Variants in PDSS2 observed in about 807,000 individuals in gnomAD.
PDSS2 encodes decaprenyl diphosphate synthase subunit 2, also known as all trans-polyprenyl-diphosphate synthase PDSS2.
Under a neutral mutation model 44.5 loss-of-function variants are expected in PDSS2, and 31 were observed. That is an observed-to-expected ratio of 0.70 (90% confidence interval 0.52 to 0.94). The LOEUF is 0.94. Ranked by LOEUF, PDSS2 falls within the 40% of genes least tolerant of loss-of-function variation. PDSS2 has a pLI of 0.00. For synonymous variants in PDSS2, 157 were observed against 180.3 expected, an observed-to-expected ratio of 0.87 and a Z score of 1.03; for missense variants, 452 against 482.2, an observed-to-expected ratio of 0.94 and a Z score of 0.59.
chr6:107,364,518 G>GGGCT (rs1226970205), intron 1 of PDSS2, among the ~76,000 whole-genome samples: 1 of 152,376 alleles, frequency 6.6e-6, no homozygotes, highest in Non-Finnish European at 1.5e-5. Context: ...GGGGCCAGCA[G>GGGCT]GGCTGGCTGG....
chr6:107,221,053 C>A (rs1253239352), intron 4 of PDSS2, among the ~76,000 whole-genome samples: 1 of 152,090 alleles, frequency 6.6e-6, no homozygotes, highest in Admixed American at 6.6e-5. Context: ...TTAGATATAC[C>A]TATATCAGGA....
intron 4 of PDSS2, among the ~76,000 whole-genome samples, chr6:107,216,401 A>T (rs982007983): frequency 1.3e-5 from 2 of 152,098 alleles, no homozygotes; most frequent in African/African-American, 4.8e-5. Flanking sequence ...CGAACCAGGG[A>T]GGCAGAGGTT....
At chr6:107,411,624 C>T (rs1243148905) in intron 1 of PDSS2, among the ~76,000 whole-genome samples, 4 of 152,108 alleles carry the variant, frequency 2.6e-5, no homozygotes, top group Non-Finnish European at 4.4e-5. Context: ...TGGGTATATA[C>T]AGACTTTTTT....
chr6:107,245,691 G>C, intron 3 of PDSS2, 72 bp from the exon 4 acceptor site: 1 of 1,011,172 alleles, frequency 9.9e-7, no homozygotes. Context: ...GAATGTTTCA[G>C]AAGGCTCAGT....
intron 7 of PDSS2, among the ~76,000 whole-genome samples, chr6:107,180,358 A>G (rs1357322410): frequency 2.6e-5 from 4 of 152,156 alleles, no homozygotes; most frequent in South Asian, 2.1e-4. Context: ...GATTACCCCA[A>G]TTGAATCTCT....
chr6:107,162,706 G>C (rs2114300473), intron 7 of PDSS2, among the ~76,000 whole-genome samples: 1 of 143,676 alleles, frequency 7.0e-6, no homozygotes, highest in Admixed American at 7.2e-5. Context: ...CTGGGTTCAA[G>C]CAATTCTCCT....
chr6:107,435,684 A>T (rs1781328116), intron 1 of PDSS2, among the ~76,000 whole-genome samples: 1 of 152,178 alleles, frequency 6.6e-6, no homozygotes, highest in Non-Finnish European at 1.5e-5. Context: ...CCTGTCATAA[A>T]GCCCCTGTAA....
intron 6 of PDSS2, among the ~76,000 whole-genome samples, chr6:107,205,645 T>A (rs533251350): frequency 5.2e-4 from 79 of 152,274 alleles, no homozygotes; most frequent in African/African-American, 1.7e-3. Flanking sequence ...CAGCAAATGT[T>A]TTTCAGCTGT....
chr6:107,183,939 C>T (rs534895997), intron 7 of PDSS2, among the ~76,000 whole-genome samples: 5 of 151,802 alleles, frequency 3.3e-5, no homozygotes, highest in African/African-American at 1.2e-4. Flanking sequence ...GTGGAGGTTG[C>T]AGTGAGCCAA....
chr6:107,312,212 TCTCCCTTCA>T (rs1361378628), intron 2 of PDSS2, among the ~76,000 whole-genome samples: 1 of 152,166 alleles, frequency 6.6e-6, no homozygotes, highest in Non-Finnish European at 1.5e-5. Flanking sequence ...CACTATTGCA[TCTCCCTTCA>T]CTCCCTTCAC....
At chr6:107,259,508 C>CA (rs965494812) in intron 3 of PDSS2, among the ~76,000 whole-genome samples, 144 of 149,096 alleles carry the variant, frequency 9.7e-4, no homozygotes, top group Non-Finnish European at 7.7e-4. Flanking sequence ...ACTAAAAATA[C>CA]AAAAAAAAAG....
intron 2 of PDSS2, among the ~76,000 whole-genome samples, chr6:107,322,595 A>G (rs1423605297): frequency 6.6e-6 from 1 of 152,132 alleles, no homozygotes; most frequent in Non-Finnish European, 1.5e-5. Context: ...CTGTAATCCC[A>G]GCACTTTGGA....
chr6:107,188,553 G>C (rs1300106386), intron 7 of PDSS2, among the ~76,000 whole-genome samples: 1 of 152,120 alleles, frequency 6.6e-6, no homozygotes, highest in African/African-American at 2.4e-5. Context: ...AGACCAAAGA[G>C]ATTAAGTGAA....
intron 2 of PDSS2, among the ~76,000 whole-genome samples, chr6:107,300,324 G>C (rs764642424): frequency 6.6e-6 from 1 of 152,050 alleles, no homozygotes; most frequent in African/African-American, 2.4e-5. Context: ...TCAACTGCAC[G>C]ACCCCTACTA....
intron 7 of PDSS2, among the ~76,000 whole-genome samples, chr6:107,171,143 T>G (rs1265929869): frequency 6.6e-6 from 1 of 151,892 alleles, no homozygotes; most frequent in Non-Finnish European, 1.5e-5. Flanking sequence ...ATGACCTTGG[T>G]TCTTTTTTGT....
intron 1 of PDSS2, among the ~76,000 whole-genome samples, chr6:107,415,458 A>C (rs1780628991): frequency 6.6e-6 from 1 of 152,152 alleles, no homozygotes; most frequent in South Asian, 2.1e-4. Flanking sequence ...CTTGTTCATA[A>C]AAAACAGATA....
chr6:107,412,311 C>T (rs1394302763), intron 1 of PDSS2, among the ~76,000 whole-genome samples: 1 of 130,416 alleles, frequency 7.7e-6, no homozygotes, highest in East Asian at 2.3e-4. Flanking sequence ...GTGATCTTGG[C>T]TCACTGCAAC....
intron 4 of PDSS2, among the ~76,000 whole-genome samples, chr6:107,225,157 ATATATTTTTTT>A (rs1386005769): frequency 6.5e-5 from 2 of 30,584 alleles, no homozygotes; most frequent in African/African-American, 5.4e-4. Flanking sequence ...ATATATATAT[ATATATTTTTTT>A]TTTTTTTTTT....
chr6:107,427,511 T>C (rs1297920764), intron 1 of PDSS2, among the ~76,000 whole-genome samples: 1 of 152,264 alleles, frequency 6.6e-6, no homozygotes, highest in Non-Finnish European at 1.5e-5. Context: ...AATCATGAAT[T>C]CTATCTATCT....
Sources: gnomAD v4.1 joint callset for allele counts (sites outside exome capture counted in the v4.1 genomes callset) on GRCh38, gnomAD v4.1.1 for gene constraint, MANE v1.5 for transcripts, NCBI Gene and HGNC (gene_info 2026-07-23, HGNC 2026-07-21) for gene names.